SEMA6B: variants seen among roughly 807,000 people sequenced by gnomAD.
SEMA6B encodes semaphorin 6B.
In SEMA6B, 47 loss-of-function variants were observed where a neutral mutation model predicts 78.6. The observed-to-expected ratio is 0.60, with a 90% CI of 0.47 to 0.76. The LOEUF (loss-of-function observed/expected upper bound fraction) is 0.76. Ranked by LOEUF, SEMA6B falls within the 30% of genes least tolerant of loss-of-function variation. The probability of loss-of-function intolerance (pLI) is 0.00; values close to 1 mark genes in which losing one functional copy is unlikely to be tolerated. For synonymous variants in SEMA6B, 632 were observed against 592.2 expected (o/e 1.07, Z -0.98); for missense variants, 1,213 against 1,269.9 (o/e 0.96, Z 0.68).
chr19:4,558,196 G>C lies in SEMA6B; in HGVS notation c.122-47C>G. 1 of 1,382,888 alleles carries C rather than the reference G, an allele frequency of 7.2e-7. No homozygotes were observed. The highest frequency in any genetic ancestry group is 9.5e-7 in the Non-Finnish European group (1 of 1,053,352). The allele number at this position is 1,382,888 out of a possible 1,614,324, so 85.7% of individuals were successfully genotyped here. A position where few individuals can be genotyped will look rare whatever the true frequency, so the allele number is the denominator to read the frequency against. On this transcript the variant is annotated intron_variant, in intron 2 of 16. Coordinates refer to ENST00000586582, the MANE Select transcript of SEMA6B (RefSeq NM_032108.4). The surrounding 1 kb of genome is among the most constrained non-coding windows in gnomAD (Gnocchi z 5.1). Reference sequence around the variant, plus strand: ...GGTGTGAGCAAGGGCTGGGGGTGAAGAGAGGGTGGCCTGAGGTCATGCCCC... The same window carrying C: ...GGTGTGAGCAAGGGCTGGGGGTGAACAGAGGGTGGCCTGAGGTCATGCCCC...
Position 4,543,831 on chromosome 19 carries a change from C to T in SEMA6B, c.2437G>A (p.Ala813Thr). 3.3e-6 allele frequency: 4 copies of T among 1,214,128 alleles called. No individual in the cohort carries two copies. Among genetic ancestry groups the T allele is most frequent in the Non-Finnish European group, 4.1e-6 (4 of 976,846 alleles). The allele number at this position is 1,214,128 out of a possible 1,614,324, so 75.2% of individuals were successfully genotyped here. A position where few individuals can be genotyped will look rare whatever the true frequency, so the allele number is the denominator to read the frequency against. Residue 813 changes from alanine to threonine, a missense_variant, in exon 17 of 17, where the codon GCC (alanine) becomes ACC (threonine). By Grantham distance (58) the Ala-to-Thr change is moderately conservative. Coordinates refer to ENST00000586582, the MANE Select transcript of SEMA6B (RefSeq NM_032108.4). The part of the protein sequence containing the change: ...APTGPLDPAS[A>T]ADGLPRPWSP... ...CAGGGCCGCGGGAGGCCATCGGCGG[C>T]TGAGGCTGGGTCCAAGGGGCCCGTG...
In SEMA6B at chr19:4,542,982, G is replaced by C. The variant is rs1166632248; in HGVS notation, c.*619C>G. On this transcript the variant is annotated 3_prime_UTR_variant, in exon 17 of 17. Coordinates refer to ENST00000586582, the MANE Select transcript of SEMA6B (RefSeq NM_032108.4). ...AAGCCCCAGCGTCGGCTCAGCCAACGCCCAGGCCGCTGGGGCCACCACGAT... is the reference window on the plus strand; with the variant it reads ...AAGCCCCAGCGTCGGCTCAGCCAACCCCCAGGCCGCTGGGGCCACCACGAT... The C allele has an allele frequency of 1.4e-6, 1 of 698,778 alleles. No homozygotes were observed. Among genetic ancestry groups the C allele is most frequent in the Non-Finnish European group, 2.6e-6 (1 of 383,390 alleles). The allele number at this position is 698,778 out of a possible 1,614,324, so 43.3% of individuals were successfully genotyped here.
In SEMA6B at chr19:4,558,307, AC is replaced by A. The variant is rs1352297649; in HGVS notation, c.121+29del. On this transcript the variant is annotated intron_variant, in intron 2 of 16. Transcript: ENST00000586582. This position sits in a 1 kb window ranked among gnomAD's most constrained non-coding sequence, Gnocchi z 5.1. ...AACCCAGATACTCCCACGGGACTCC[AC>A]CCCCGCCCAAAGACACCCCCAGACT... is the stretch of plus-strand genomic sequence containing the variant. 2.3e-6 allele frequency: 3 copies of A among 1,311,124 alleles called. No homozygotes were observed. Among genetic ancestry groups the A allele is most frequent in the Admixed American group, 3.3e-5 (1 of 30,680 alleles). The allele number at this position is 1,311,124 out of a possible 1,614,324, so 81.2% of individuals were successfully genotyped here.
At position 4,544,600 on chromosome 19, in the gene SEMA6B, G is replaced by T. The variant is rs1599772549; in HGVS notation, c.1739-71C>A. 3 of 859,572 alleles carry T rather than the reference G, an allele frequency of 3.5e-6. No homozygotes were observed. The South Asian group carries it at 9.8e-5, about 28-fold the overall frequency. The allele number at this position is 859,572 out of a possible 1,614,324, so 53.2% of individuals were successfully genotyped here. On this transcript the variant is annotated intron_variant, in intron 16 of 16. Coordinates refer to ENST00000586582, the MANE Select transcript of SEMA6B (RefSeq NM_032108.4). This position sits in a 1 kb window ranked among gnomAD's most constrained non-coding sequence, Gnocchi z 5.1. Reference sequence around the variant, plus strand: ...CTGGGCATCCCTCCTACCTCCTCGGGGCCCTCTGTCCTCTTTTTTATTATT... The same window carrying T: ...CTGGGCATCCCTCCTACCTCCTCGGTGCCCTCTGTCCTCTTTTTTATTATT...
Position 4,544,120 on chromosome 19 carries a change from C to T in SEMA6B, c.2148G>A (p.Pro716=). The T allele has an allele frequency of 7.9e-7, 1 of 1,273,052 alleles. No homozygotes were observed. 78.9% of individuals were successfully genotyped at this position (1,273,052 alleles called of 1,614,324 possible). The change falls in exon 17 of 17, where the codon CCG becomes CCA. Residue 716 remains proline, a synonymous_variant. Transcript: ENST00000586582. The surrounding 1 kb of genome is among the most constrained non-coding windows in gnomAD (Gnocchi z 5.1). ...GGTGCGGAGTGGGCAGGCGCTTCTGCGGCAGCGGCGTCTGCTCGGGCGTGG... is the reference window on the plus strand; with the variant it reads ...GGTGCGGAGTGGGCAGGCGCTTCTGTGGCAGCGGCGTCTGCTCGGGCGTGG... The part of the protein sequence containing the change: ...LLPTPEQTPL[P]QKRLPTPHPH...
intron 12 of SEMA6B, among the ~76,000 whole-genome samples, chr19:4,549,539 C>T (rs550790306): frequency 4.0e-4 from 61 of 152,150 alleles, no homozygotes; most frequent in African/African-American, 1.3e-3. Flanking sequence ...ACTGCAGTGG[C>T]GTGATCTTGG....
intron 9 of SEMA6B, among the ~76,000 whole-genome samples, chr19:4,553,049 C>T (rs1977372615): frequency 1.3e-5 from 2 of 152,170 alleles, no homozygotes; most frequent in African/African-American, 4.8e-5. Flanking sequence ...GCCTGGTTGC[C>T]TGGATGGACG....
intron 14 of SEMA6B, among the ~76,000 whole-genome samples, chr19:4,547,176 G>C (rs922895463): frequency 2.7e-5 from 4 of 150,492 alleles, no homozygotes; most frequent in Non-Finnish European, 5.9e-5. Flanking sequence ...ATGCTGTGTT[G>C]CCCAGGCTGG....
chr19:4,551,817 G>T (rs1977341383), intron 10 of SEMA6B, among the ~76,000 whole-genome samples: 1 of 129,754 alleles, frequency 7.7e-6, no homozygotes. Flanking sequence ...CAACAAGAGT[G>T]AAACTGTCTC....
chr19:4,550,340 G>A lies in SEMA6B; in HGVS notation c.1122-68C>T, dbSNP rs1469321301. ...TCATAAAGGGGCCTGATTCACCAGA[G>A]GTACCCATTGCTTTGCCCAACGACC... On this transcript the variant is annotated intron_variant, in intron 11 of 16. Transcript: ENST00000586582. The surrounding 1 kb of genome is among the most constrained non-coding windows in gnomAD (Gnocchi z 6.6). 2.6e-6 allele frequency: 4 copies of A among 1,543,988 alleles called. No individual in the cohort carries two copies. The highest frequency in any genetic ancestry group is 1.8e-5 in the Admixed American group (1 of 57,122).
At position 4,548,313 on chromosome 19, in the gene SEMA6B, C is replaced by A. The variant is rs201859381; in HGVS notation, c.1404G>T (p.Thr468=). ...CCTCCAGGAAGACACTGAGCCCAGA[C>A]GTCCCTGAGGTGCTGGCATTGGGCC... The part of the protein sequence containing the change: ...LVRPNASTSG[T]SGLSVFLEEF... The change falls in exon 13 of 17, where the codon ACG becomes ACT. Residue 468 remains threonine (T), a synonymous_variant. Transcript: ENST00000586582. 6.2e-7 allele frequency: 1 copy of A among 1,613,774 alleles called. No homozygotes were observed. The highest frequency in any genetic ancestry group is 8.5e-7 in the Non-Finnish European group (1 of 1,179,976).
rs751396583 is a variant in SEMA6B at position 4,558,392 on chromosome 19, G to A, written c.66C>T (p.Gly22=). The change falls in exon 2 of 17, where the codon GGC becomes GGT. Residue 22 remains glycine (G), a synonymous_variant. Transcript: ENST00000586582. This position sits in a 1 kb window ranked among gnomAD's most constrained non-coding sequence, Gnocchi z 5.1. ...GCTCCTCAGGAAAGAGGCCGTGGGC[G>A]CCCCCCAGTAGCAGCAGCAGAAGCA... ...ALLLLLLLLG[G]AHGLFPEEPP... The A allele has an allele frequency of 2.4e-6, 3 of 1,274,912 alleles. No individual in the cohort carries two copies. The highest frequency in any genetic ancestry group is 1.0e-6 in the Non-Finnish European group (1 of 1,002,740). The allele number at this position is 1,274,912 out of a possible 1,614,324, so 79.0% of individuals were successfully genotyped here.
chr19:4,552,995 A>C lies in SEMA6B; in HGVS notation c.772-356T>G, dbSNP rs1466473952. ...ACAGATAAAAGGAAGTGACTGGTCC[A>C]AGGTCACAATAGTAGTTAGTGGCAG... On this transcript the variant is annotated intron_variant, in intron 9 of 16. Transcript: ENST00000586582. This position sits in a 1 kb window ranked among gnomAD's most constrained non-coding sequence, Gnocchi z 7.4. Among the ~76,000 whole-genome samples the C allele has an allele frequency of 6.6e-6, 1 of 152,256 alleles. No individual in the cohort carries two copies. The highest frequency in any genetic ancestry group is 1.5e-5 in the Non-Finnish European group (1 of 68,044).
At position 4,544,447 on chromosome 19, in the gene SEMA6B, G is replaced by A. The variant is rs777997784; in HGVS notation, c.1821C>T (p.Phe607=). ...AGCCGGACACCACGGCTCCCACCAC[G>A]AAGGCCGCCACCGACGACGTTACCA... ...NLLVTSSVAA[F]VVGAVVSGFS... Residue 607 remains phenylalanine (F), a synonymous_variant, in exon 17 of 17, where the codon TTC becomes TTT. Transcript: ENST00000586582. The surrounding 1 kb of genome is among the most constrained non-coding windows in gnomAD (Gnocchi z 5.1). The A allele has an allele frequency of 9.7e-5, 156 of 1,600,534 alleles. No homozygotes were observed. Among genetic ancestry groups the A allele is most frequent in the Non-Finnish European group, 1.3e-4 (148 of 1,174,560 alleles).
intron 14 of SEMA6B, 150 bp downstream of exon 14, chr19:4,547,877 G>A (rs1318301138): frequency 3.0e-5 from 29 of 976,442 alleles, no homozygotes; most frequent in Non-Finnish European, 4.0e-5. Flanking sequence ...ACCAGGAGTG[G>A]TCCTGCCCGC....
intron 12 of SEMA6B, among the ~76,000 whole-genome samples, chr19:4,549,275 T>G (rs1977253700): frequency 6.7e-6 from 1 of 149,454 alleles, no homozygotes; most frequent in African/African-American, 2.4e-5. Context: ...TTTGTTCTCC[T>G]GGTGTGTGTC....
Position 4,544,000 on chromosome 19 carries a change from G to T in SEMA6B, c.2268C>A (p.Ala756=). ...ASSSLLLLAP[A]RAPEQPPAPG... Reference sequence around the variant, plus strand: ...GCGCGGGGGGCTGCTCGGGGGCCCGGGCGGGCGCCAGCAGCAGGAGGGAGG... The same window carrying T: ...GCGCGGGGGGCTGCTCGGGGGCCCGTGCGGGCGCCAGCAGCAGGAGGGAGG... Residue 756 remains alanine, a synonymous_variant, in exon 17 of 17, where the codon GCC becomes GCA. Transcript: ENST00000586582. 8.3e-7 allele frequency: 1 copy of T among 1,209,844 alleles called. No individual in the cohort carries two copies. Among genetic ancestry groups the T allele is most frequent in the Non-Finnish European group, 1.0e-6 (1 of 974,160 alleles). 74.9% of individuals were successfully genotyped at this position (1,209,844 alleles called of 1,614,324 possible).
chr19:4,548,237 C>A (rs1977223790), intron 13 of SEMA6B, 26 bp downstream of exon 13: 2 of 1,593,346 alleles, frequency 1.3e-6, no homozygotes, highest in South Asian at 2.2e-5. Context: ...TGCTGGCGAC[C>A]CCTTCCCACC....
rs770986387 is a variant in SEMA6B, at chr19:4,550,914, C to G, written c.1006G>C (p.Val336Leu). Residue 336 changes from valine (V) to leucine (L), a missense_variant, in exon 11 of 17, where the codon GTC becomes CTC. Physicochemically the swap from Val to Leu is conservative, Grantham distance 32 (BLOSUM62 1). Transcript: ENST00000586582. The surrounding 1 kb of genome is among the most constrained non-coding windows in gnomAD (Gnocchi z 6.6). ...TPSNSIPGSA[V>L]CAFDLTQVAA... is the part of the protein sequence containing the mutation. ...ACCTGTGTCAGGTCAAAGGCGCAGA[C>G]AGCCGAGCCAGGGATGCTGAGGGGT... 4 of 1,613,502 alleles carry G rather than the reference C, an allele frequency of 2.5e-6. No individual in the cohort carries two copies. Among genetic ancestry groups the G allele is most frequent in the African/African-American group, 1.3e-5 (1 of 74,930 alleles).
Sources: gnomAD v4.1 joint callset for allele counts (sites outside exome capture counted in the v4.1 genomes callset) on GRCh38, gnomAD v4.1.1 for gene constraint, Gnocchi (gnomAD v3.1) non-coding constraint, MANE v1.5 for transcripts, NCBI Gene and HGNC (gene_info 2026-07-23, HGNC 2026-07-21) for gene names.